The following MAP3K9 variants were observed in gnomAD, a reference collection of about 807,000 sequenced individuals.
MAP3K9 encodes the protein mitogen-activated protein kinase kinase kinase 9.
MAP3K9 carries 46 observed loss-of-function variants against 95.8 expected under a neutral mutation model. The ratio of observed to expected loss-of-function variants is 0.48; its 90% CI spans 0.38 to 0.61. MAP3K9 has a LOEUF of 0.61. Among genes scored for constraint, MAP3K9 ranks in the 20% least tolerant of loss-of-function variants. MAP3K9 has a pLI of 0.00. For synonymous variants in MAP3K9, 533 were observed against 593.8 expected, an observed-to-expected ratio of 0.90 and a Z score of 1.49; for missense variants, 1,296 against 1,474.3, an observed-to-expected ratio of 0.88 and a Z score of 1.98.
intron 7 of MAP3K9, 53 bp from the exon 8 acceptor site, chr14:70,738,451 C>T: frequency 6.5e-7 from 1 of 1,529,180 alleles, no homozygotes; most frequent in Non-Finnish European, 9.0e-7. Context: ...ACAGGGCTCC[C>T]CCAAACTAGC....
chr14:70,755,384 T>C (rs1566743627), intron 3 of MAP3K9, among the ~76,000 whole-genome samples: 1 of 152,222 alleles, frequency 6.6e-6, no homozygotes, highest in African/African-American at 2.4e-5. Context: ...CAAGCACAGA[T>C]TGTCACTACA....
In MAP3K9 at chr14:70,732,519, A is replaced by G. The variant is rs1015514659; in HGVS notation, c.2830+20T>C. ...GAGGAGGCACAAAGAAAGGAAAGAG[A>G]AAAGAGGAAGAAGACTCACCTGCTC... is the stretch of plus-strand genomic sequence containing the variant. On this transcript the variant is annotated intron_variant, in intron 11 of 11. Coordinates refer to ENST00000554752, the MANE Select transcript of MAP3K9 (RefSeq NM_001284230.2). 13 of 1,520,826 alleles carry G rather than the reference A, an allele frequency of 8.5e-6. No homozygotes were observed. Among genetic ancestry groups the G allele is most frequent in the Non-Finnish European group, 1.1e-5 (13 of 1,135,556 alleles). The allele number at this position is 1,520,826 out of a possible 1,614,324, so 94.2% of individuals were successfully genotyped here.
intron 2 of MAP3K9, among the ~76,000 whole-genome samples, chr14:70,771,724 C>A (rs573741037): frequency 2.6e-4 from 39 of 152,272 alleles, no homozygotes; most frequent in African/African-American, 9.4e-4. Context: ...AACAGCTAAA[C>A]ATAGGGGGAA....
chr14:70,762,039 AC>A (rs1225566420), intron 2 of MAP3K9, among the ~76,000 whole-genome samples: 2 of 152,208 alleles, frequency 1.3e-5, no homozygotes, highest in African/African-American at 4.8e-5. Flanking sequence ...ATTTCACTGA[AC>A]ATGTTTTCAA....
intron 2 of MAP3K9, among the ~76,000 whole-genome samples, chr14:70,766,801 A>G (rs1378120792): frequency 6.6e-6 from 1 of 152,122 alleles, no homozygotes; most frequent in Non-Finnish European, 1.5e-5. Flanking sequence ...AAGAAATCCT[A>G]TGTGTCTTTA....
chr14:70,757,712 T>C (rs921567839), intron 3 of MAP3K9, among the ~76,000 whole-genome samples: 1 of 152,164 alleles, frequency 6.6e-6, no homozygotes, highest in Non-Finnish European at 1.5e-5. Context: ...CAGATATAGA[T>C]TAATGGAGTA....
intron 8 of MAP3K9, among the ~76,000 whole-genome samples, chr14:70,736,513 A>G (rs1043967324): frequency 6.6e-6 from 1 of 152,196 alleles, no homozygotes; most frequent in Non-Finnish European, 1.5e-5. Context: ...TATTTCTTCA[A>G]TAGGAACTAA....
At chr14:70,754,327 G>A (rs1374854292) in intron 3 of MAP3K9, among the ~76,000 whole-genome samples, 2 of 152,022 alleles carry the variant, frequency 1.3e-5, no homozygotes, top group Non-Finnish European at 2.9e-5. Flanking sequence ...ATCCCACTAG[G>A]GATAGGCAGA....
chr14:70,809,056 G>T lies in MAP3K9; in HGVS notation c.116C>A (p.Ala39Glu), dbSNP rs200801204. 5.1e-5 allele frequency: 72 copies of T among 1,422,678 alleles called. No individual in the cohort carries two copies. The highest frequency in any genetic ancestry group is 1.0e-4 in the South Asian group (7 of 68,600). The allele number at this position is 1,422,678 out of a possible 1,614,324, so 88.1% of individuals were successfully genotyped here. The stretch of plus-strand genomic sequence containing the variant: ...CTCCCCGGGGCCCACCGCCGCCGCC[G>T]CCTCCTCCTCCTCCTCCTCCTCCTC... ...AEEEEEEEEEAAAAVGPGELG... is the reference protein window; with the variant it reads ...AEEEEEEEEEEAAAVGPGELG... Residue 39 changes from alanine (A) to glutamate (E), a missense_variant, in exon 1 of 12, where the codon GCG becomes GAG. Physicochemically the swap from Ala to Glu is moderately radical, Grantham distance 107. Transcript: ENST00000554752.
At chr14:70,793,031 AT>A (rs1050905109) in intron 2 of MAP3K9, among the ~76,000 whole-genome samples, 1 of 152,244 alleles carries the variant, frequency 6.6e-6, no homozygotes, top group African/African-American at 2.4e-5. Flanking sequence ...GGAGCAGCCA[AT>A]CCAACAATTC....
chr14:70,769,717 C>T (rs2054505594), intron 2 of MAP3K9, among the ~76,000 whole-genome samples: 1 of 152,202 alleles, frequency 6.6e-6, no homozygotes, highest in South Asian at 2.1e-4. Flanking sequence ...CTGCCTCCAT[C>T]TTCACATGGC....
intron 2 of MAP3K9, among the ~76,000 whole-genome samples, chr14:70,793,422 C>T (rs2139846576): frequency 6.6e-6 from 1 of 152,306 alleles, no homozygotes; most frequent in Middle Eastern, 3.4e-3. Flanking sequence ...CCTGGTGGCT[C>T]ACGCCTGTAA....
intron 11 of MAP3K9, 68 bp from the exon 12 acceptor site, chr14:70,730,932 T>C: frequency 6.8e-7 from 1 of 1,475,292 alleles, no homozygotes; most frequent in Non-Finnish European, 9.1e-7. Context: ...TATCCGCTAC[T>C]CCCCCCCAAC....
At chr14:70,763,214 T>C (rs559798470) in intron 2 of MAP3K9, among the ~76,000 whole-genome samples, 3 of 152,232 alleles carry the variant, frequency 2.0e-5, no homozygotes, top group Non-Finnish European at 4.4e-5. Context: ...TAAGAGTGCA[T>C]TGTGTAAACC....
chr14:70,787,891 A>C (rs1290490795), intron 2 of MAP3K9, among the ~76,000 whole-genome samples: 1 of 152,184 alleles, frequency 6.6e-6, no homozygotes, highest in Non-Finnish European at 1.5e-5. Context: ...CTACATGCGA[A>C]GTCCTATACT....
In MAP3K9 at chr14:70,809,052, C is replaced by G; in HGVS notation, c.120G>C (p.Ala40=). The stretch of plus-strand genomic sequence containing the variant: ...CCAGCTCCCCGGGGCCCACCGCCGC[C>G]GCCGCCTCCTCCTCCTCCTCCTCCT... ...EEEEEEEEEA[A]AAVGPGELGC... Residue 40 remains alanine (A), a synonymous_variant, in exon 1 of 12, where the codon GCG becomes GCC. Coordinates refer to ENST00000554752, the MANE Select transcript of MAP3K9 (RefSeq NM_001284230.2). 6.9e-7 allele frequency: 1 copy of G among 1,459,484 alleles called. No individual in the cohort carries two copies. Among genetic ancestry groups the G allele is most frequent in the Non-Finnish European group, 9.0e-7 (1 of 1,111,522 alleles). 90.4% of individuals were successfully genotyped at this position (1,459,484 alleles called of 1,614,324 possible).
In MAP3K9 at chr14:70,742,551, A is replaced by G. The variant is rs1594771709; in HGVS notation, c.1367T>C (p.Leu456Pro). Reference sequence around the variant, plus strand: ...CAGTTCCTCCTGGTTCTTCTGCTGCAGTGCAGCCCGCGTCAGCTCCTCCTC... The same window carrying G: ...CAGTTCCTCCTGGTTCTTCTGCTGCGGTGCAGCCCGCGTCAGCTCCTCCTC... ...TWEEELTRAA[L>P]QQKNQEELLR... Residue 456 changes from leucine (L) to proline (P), a missense_variant, in exon 6 of 12, where the codon CTG (leucine) becomes CCG (proline). By Grantham distance (98) the Leu-to-Pro change is moderately conservative (BLOSUM62 -3). This residue lies in a region of MAP3K9 where 377 missense variants were observed against 417.1 expected (regional missense o/e 0.90). Coordinates refer to ENST00000554752, the MANE Select transcript of MAP3K9 (RefSeq NM_001284230.2). 1 of 1,614,192 alleles carries G rather than the reference A, an allele frequency of 6.2e-7. No individual in the cohort carries two copies. The highest frequency in any genetic ancestry group is 8.5e-7 in the Non-Finnish European group (1 of 1,180,040).
intron 5 of MAP3K9, among the ~76,000 whole-genome samples, chr14:70,743,776 C>T (rs796431954): frequency 2.0e-5 from 3 of 152,264 alleles, no homozygotes; most frequent in African/African-American, 7.2e-5. Context: ...ATTAGTTCAA[C>T]CATTGTGGAA....
chr14:70,730,603 T>A lies in MAP3K9; in HGVS notation c.3092A>T (p.Asn1031Ile). 2 of 1,613,966 alleles carry A rather than the reference T, an allele frequency of 1.2e-6. No homozygotes were observed. The highest frequency in any genetic ancestry group is 1.7e-6 in the Non-Finnish European group (2 of 1,180,024). Residue 1031 changes from asparagine to isoleucine, a missense_variant, in exon 12 of 12, where the codon AAC (asparagine) becomes ATC (isoleucine). Physicochemically the swap from Asn to Ile is moderately radical, Grantham distance 149. This residue lies in a region of MAP3K9 where 433 missense variants were observed against 441.4 expected (regional missense o/e 0.98). Transcript: ENST00000554752. ...ANSSSTETPS[N>I]LDSCFASSSS... ...ACTGCTAGCAAAGCAGGAGTCCAGG[T>A]TGCTGGGCGTCTCTGTGCTGGAGCT... is the stretch of plus-strand genomic sequence containing the variant.
Sources: gnomAD v4.1 joint callset for allele counts (sites outside exome capture counted in the v4.1 genomes callset) on GRCh38, gnomAD v4.1.1 for gene constraint, gnomAD v4.1.1 regional missense constraint, MANE v1.5 for transcripts, NCBI Gene and HGNC (gene_info 2026-07-23, HGNC 2026-07-21) for gene names.